PARP1: variants seen among roughly 807,000 people sequenced by gnomAD.
PARP1 encodes poly(ADP-ribose) polymerase 1.
Under a neutral mutation model 118.7 loss-of-function variants are expected in PARP1, and 44 were observed. The ratio of observed to expected loss-of-function variants is 0.37; its 90% CI spans 0.29 to 0.48. The LOEUF (loss-of-function observed/expected upper bound fraction) is 0.48, where lower values mean the gene tolerates loss of function less well. PARP1 is among the 20% of genes least tolerant of loss of function. The pLI, the probability that PARP1 is intolerant of heterozygous loss-of-function variation, is 0.99. For synonymous variants in PARP1, 492 were observed against 483.2 expected (o/e 1.02, Z -0.24); for missense variants, 1,100 against 1,272.4 (o/e 0.86, Z 2.06).
chr1:226,388,808 C>A (rs889225045), intron 4 of PARP1, 53 bp from the exon 5 acceptor site: 1 of 1,353,838 alleles, frequency 7.4e-7, no homozygotes, highest in Non-Finnish European at 1.1e-6. Flanking sequence ...AAGTCTGACA[C>A]CCAATGACTT....
At chr1:226,371,882 G>A (rs1264810716) in intron 14 of PARP1, among the ~76,000 whole-genome samples, 2 of 152,208 alleles carry the variant, frequency 1.3e-5, no homozygotes, top group Non-Finnish European at 2.9e-5. Context: ...AAAAATAAGA[G>A]GTGGGCTCCA....
At chr1:226,392,001 G>A (rs1358787604) in intron 3 of PARP1, among the ~76,000 whole-genome samples, 198 bp downstream of exon 3, 4 of 152,168 alleles carry the variant, frequency 2.6e-5, no homozygotes, top group African/African-American at 9.7e-5. Flanking sequence ...CATGAGAACT[G>A]GACCGTGATA....
At chr1:226,362,159 T>C in intron 21 of PARP1, 76 bp from the exon 22 acceptor site, 1 of 832,542 alleles carries the variant, frequency 1.2e-6, no homozygotes, top group Non-Finnish European at 2.1e-6. Flanking sequence ...TGAGCTCTAT[T>C]TGATGTTGGG....
chr1:226,406,376 G>A (rs187008998), intron 1 of PARP1, among the ~76,000 whole-genome samples: 201 of 152,328 alleles, frequency 1.3e-3, no homozygotes, highest in African/African-American at 4.5e-3. Context: ...TTCATAACAG[G>A]CTGCCTTGTA....
intron 7 of PARP1, among the ~76,000 whole-genome samples, chr1:226,384,287 G>A (rs1316537410): frequency 1.3e-5 from 2 of 152,158 alleles, no homozygotes; most frequent in African/African-American, 4.8e-5. Flanking sequence ...TGAGAAGGAA[G>A]AAAAGGGTGG....
chr1:226,379,425 T>G, intron 11 of PARP1, 148 bp downstream of exon 11: 1 of 1,190,658 alleles, frequency 8.4e-7, no homozygotes, highest in South Asian at 1.2e-5. Flanking sequence ...TTCTCAGGAC[T>G]GGGGGAGCTG....
At position 226,386,376 on chromosome 1, in the gene PARP1, T is replaced by C; in HGVS notation, c.784A>G (p.Lys262Glu). ...TGCTTGTTGAAGATGAGTAGCTCCT[T>C]CAGGTCATTAGTTGAACACACTTTC... ...LKKVCSTNDL[K>E]ELLIFNKQQV... Residue 262 changes from lysine (K) to glutamate (E), a missense_variant, in exon 6 of 23, where the codon AAG becomes GAG. By Grantham distance (56) the Lys-to-Glu change is moderately conservative. This residue lies in a region of PARP1 where 948 missense variants were observed against 1,031.8 expected (regional missense o/e 0.92). Transcript: ENST00000366794. The C allele has an allele frequency of 6.2e-7, 1 of 1,614,096 alleles. No homozygotes were observed. Among genetic ancestry groups the C allele is most frequent in the East Asian group, 2.2e-5 (1 of 44,882 alleles).
intron 11 of PARP1, 122 bp from the exon 12 acceptor site, chr1:226,379,396 G>A: frequency 1.5e-6 from 2 of 1,354,688 alleles, no homozygotes; most frequent in South Asian, 2.4e-5. Context: ...ACCCTCGGGA[G>A]GCTCCCCACA....
chr1:226,383,739 T>C (rs1347100394), intron 7 of PARP1, among the ~76,000 whole-genome samples: 3 of 152,240 alleles, frequency 2.0e-5, no homozygotes, highest in African/African-American at 7.2e-5. Flanking sequence ...AATTCACTCT[T>C]CACTCTGACT....
At chr1:226,362,116 G>C (rs750486057) in intron 21 of PARP1, 33 bp from the exon 22 acceptor site, 1 of 1,217,062 alleles carries the variant, frequency 8.2e-7, no homozygotes, top group Non-Finnish European at 1.2e-6. Context: ...GACATGAACT[G>C]TGAGTACAGA....
At chr1:226,367,735 C>G in intron 16 of PARP1, 127 bp from the exon 17 acceptor site, 1 of 1,052,756 alleles carries the variant, frequency 9.5e-7, no homozygotes, top group South Asian at 1.3e-5. Flanking sequence ...TCCTGCTGGT[C>G]AGGGCCAGCC....
chr1:226,386,273 A>G (rs1182291933), intron 6 of PARP1, 53 bp downstream of exon 6: 4 of 1,071,222 alleles, frequency 3.7e-6, no homozygotes, highest in Non-Finnish European at 4.4e-6. Flanking sequence ...GTCACTCCAC[A>G]ACGACGGGGT....
intron 14 of PARP1, among the ~76,000 whole-genome samples, chr1:226,373,232 G>A (rs1167213377): frequency 3.3e-5 from 5 of 152,324 alleles, no homozygotes; most frequent in East Asian, 3.9e-4. Context: ...GAACGTGAGC[G>A]TGAAGGGAGC....
At chr1:226,397,699 C>T (rs1664952053) in intron 2 of PARP1, among the ~76,000 whole-genome samples, 1 of 152,174 alleles carries the variant, frequency 6.6e-6, no homozygotes, top group Non-Finnish European at 1.5e-5. Context: ...CAACTGCCGG[C>T]TTCTCCTCTG....
rs769689858 is a variant in PARP1, at chr1:226,386,328, C to T, written c.832G>A (p.Ala278Thr). 1.3e-6 allele frequency: 2 copies of T among 1,598,296 alleles called. No individual in the cohort carries two copies. The highest frequency in any genetic ancestry group is 1.7e-5 in the Admixed American group (1 of 60,012). The change falls in exon 6 of 23, where the codon GCG becomes ACG. Residue 278 changes from alanine to threonine, a missense_variant and splice_region_variant. By Grantham distance (58) the Ala-to-Thr change is moderately conservative. Around this residue, in one of 2 missense-constraint regions of PARP1, gnomAD observed 948 missense variants for 1,031.8 expected, o/e 0.92. Coordinates refer to ENST00000366794, the MANE Select transcript of PARP1 (RefSeq NM_001618.4). ...CACTTAACACAAAGGCAGCTCACCG[C>T]CGACTCCCCAGAAGGCACTTGCTGC... is the stretch of plus-strand genomic sequence containing the variant. ...NKQQVPSGESAILDRVADGMV... is the reference protein window; with the variant it reads ...NKQQVPSGESTILDRVADGMV...
rs189174022 is a variant in PARP1 at position 226,376,120 on chromosome 1, G to C, written c.1941+988C>G. ...GTAAATCCTATTTTTAATATGGAGA[G>C]TTCATGAGGCCCTCTGTAAACTAAA... On this transcript the variant is annotated intron_variant, in intron 13 of 22. Coordinates refer to ENST00000366794, the MANE Select transcript of PARP1 (RefSeq NM_001618.4). Among the ~76,000 whole-genome samples, 15 of 152,214 alleles carry C rather than the reference G, an allele frequency of 9.9e-5. No homozygotes were observed. The East Asian group carries it at 2.9e-3, about 29-fold the overall frequency.
chr1:226,375,762 G>A (rs1268216488), intron 13 of PARP1, among the ~76,000 whole-genome samples: 1 of 152,138 alleles, frequency 6.6e-6, no homozygotes, highest in African/African-American at 2.4e-5. Context: ...AACTTTAAAT[G>A]TATTGAAATG....
chr1:226,364,663 T>A (rs1664216496), intron 19 of PARP1, among the ~76,000 whole-genome samples: 1 of 147,234 alleles, frequency 6.8e-6, no homozygotes, highest in African/African-American at 2.4e-5. Flanking sequence ...TACGTTTTCC[T>A]GCTGAAGACA....
chr1:226,370,511 G>GGTCGATCTGAGGAGACAGGGGAT lies in PARP1; in HGVS notation c.2071-17_2076dup (p.Leu693IlefsTer17). 1.2e-6 allele frequency: 2 copies of GGTCGATCTGAGGAGACAGGGGAT among 1,613,408 alleles called. No homozygotes were observed. Among genetic ancestry groups the GGTCGATCTGAGGAGACAGGGGAT allele is most frequent in the Non-Finnish European group, 1.7e-6 (2 of 1,179,394 alleles). On this transcript the variant is annotated frameshift_variant, in exon 15 of 23. Transcript: ENST00000366794. LOFTEE classifies it high-confidence loss of function. ...AGCTTCCCCAAGGGCATCTTCTGAA[G>GGTCGATCTGAGGAGACAGGGGAT]GTCGATCTGAGGAGACAGGGGATTT...
Sources: gnomAD v4.1 joint callset for allele counts (sites outside exome capture counted in the v4.1 genomes callset) on GRCh38, gnomAD v4.1.1 for gene constraint, gnomAD v4.1.1 regional missense constraint, MANE v1.5 for transcripts, NCBI Gene and HGNC (gene_info 2026-07-23, HGNC 2026-07-21) for gene names.